The following GGA3 variants were observed in gnomAD, a reference collection of about 807,000 sequenced individuals.
The protein encoded by GGA3 is golgi associated, gamma adaptin ear containing, ARF binding protein 3.
GGA3 carries 57 observed loss-of-function variants against 77.5 expected under a neutral mutation model. That is an observed-to-expected ratio of 0.74 (90% CI 0.59 to 0.92). GGA3 has a LOEUF of 0.92. Ranked by LOEUF, GGA3 falls within the 40% of genes least tolerant of loss-of-function variation. GGA3 has a pLI of 0.00. For missense variants in GGA3, 970 were observed against 914.9 expected, an observed-to-expected ratio of 1.06 and a Z score of -0.78; for synonymous variants, 416 against 383.7, an observed-to-expected ratio of 1.08 and a Z score of -0.98.
At chr17:75,239,733 T>G (rs1160409155) in intron 13 of GGA3, 56 bp downstream of exon 13, 2 of 1,585,426 alleles carry the variant, frequency 1.3e-6, no homozygotes, top group Admixed American at 3.3e-5. Context: ...TTAGCTCTGG[T>G]TCTGACACAT....
Position 75,236,824 on chromosome 17 carries a change from T to TTAAG in GGA3, c.*1451_*1454dup, listed in dbSNP as rs1383660386. 5 of 154,184 alleles carry TTAAG rather than the reference T, an allele frequency of 3.2e-5. No individual in the cohort carries two copies. The highest frequency in any genetic ancestry group is 7.2e-5 in the Non-Finnish European group (5 of 69,022). 9.6% of individuals were successfully genotyped at this position (154,184 alleles called of 1,614,324 possible). ...TCTGGAAAGCTCTTGGATTTATTCCTTAAGTAGTGAAAAATGATTCACTTT... is the reference window on the plus strand; with the variant it reads ...TCTGGAAAGCTCTTGGATTTATTCCTTAAGTAAGTAGTGAAAAATGATTCACTTT... On this transcript the variant is annotated 3_prime_UTR_variant, in exon 17 of 17. Transcript: ENST00000537686.
At chr17:75,240,590 C>T (rs1040763835) in intron 11 of GGA3, 178 bp from the exon 12 acceptor site, 10 of 658,590 alleles carry the variant, frequency 1.5e-5, no homozygotes, top group African/African-American at 1.1e-4. Context: ...GATGCAGAAG[C>T]GGGGGGCCTG....
At chr17:75,252,072 G>A (rs966248294) in intron 1 of GGA3, among the ~76,000 whole-genome samples, 1 of 141,454 alleles carries the variant, frequency 7.1e-6, no homozygotes, top group African/African-American at 2.6e-5. Context: ...GGCGTCTTTC[G>A]TTTTTTTTTT....
At chr17:75,238,551 C>A in intron 16 of GGA3, 101 bp downstream of exon 16, 1 of 1,012,412 alleles carries the variant, frequency 9.9e-7, no homozygotes. Flanking sequence ...TGTGTCAATC[C>A]TACAGTCAAA....
Position 75,241,002 on chromosome 17 carries a change from C to A in GGA3, c.1002G>T (p.Thr334=). ...GTLIDLAELD[T]TNSLSSVLAP... ...CCAACACGGAGGACAAACTGTTGGTCGTGTCCAGCTCCGCAAGGTCGATGA... is the reference window on the plus strand; with the variant it reads ...CCAACACGGAGGACAAACTGTTGGTAGTGTCCAGCTCCGCAAGGTCGATGA... The change falls in exon 11 of 17, where the codon ACG becomes ACT. Residue 334 remains threonine (T), a synonymous_variant. Coordinates refer to ENST00000537686, the MANE Select transcript of GGA3 (RefSeq NM_138619.4). The A allele has an allele frequency of 6.2e-7, 1 of 1,614,020 alleles. No individual in the cohort carries two copies. The highest frequency in any genetic ancestry group is 1.1e-5 in the South Asian group (1 of 91,060).
At chr17:75,260,573 T>C (rs1003977020) in intron 1 of GGA3, among the ~76,000 whole-genome samples, 1 of 152,170 alleles carries the variant, frequency 6.6e-6, no homozygotes, top group Non-Finnish European at 1.5e-5. Context: ...ATCAGACAAT[T>C]TGAGGAAATA....
Position 75,243,106 on chromosome 17 carries a change from G to A in GGA3, c.485C>T (p.Pro162Leu), listed in dbSNP as rs757114764. 3 of 1,613,462 alleles carry A rather than the reference G, an allele frequency of 1.9e-6. No individual in the cohort carries two copies. The highest frequency in any genetic ancestry group is 3.3e-5 in the Admixed American group (2 of 59,876). ...ATCAAAAACAGGGTTTTTGGGACGAGGTGGTGGAGAGGGGATCAGCGTCCT... is the reference window on the plus strand; with the variant it reads ...ATCAAAAACAGGGTTTTTGGGACGAAGTGGTGGAGAGGGGATCAGCGTCCT... ...VDRTLIPSPPPRPKNPVFDDE... is the reference protein window; with the variant it reads ...VDRTLIPSPPLRPKNPVFDDE... The change falls in exon 6 of 17, where the codon CCT becomes CTT. Residue 162 changes from proline (P) to leucine (L), a missense_variant. Physicochemically the swap from Pro to Leu is moderately conservative, Grantham distance 98. Transcript: ENST00000537686.
chr17:75,249,196 C>T lies in GGA3; in HGVS notation c.41-2400G>A, dbSNP rs139207552. Among the ~76,000 whole-genome samples, 94 of 150,944 alleles carry T rather than the reference C, an allele frequency of 6.2e-4. 3 individuals carry two copies. Among genetic ancestry groups the T allele is most frequent in the African/African-American group, 2.3e-3 (92 of 40,274 alleles). On this transcript the variant is annotated intron_variant, in intron 1 of 16. Transcript: ENST00000537686. ...GAGTAGCTGGGATTATAGGCATGCGCCACTATGCCTGGCTACTTTTTGTAT... is the reference window on the plus strand; with the variant it reads ...GAGTAGCTGGGATTATAGGCATGCGTCACTATGCCTGGCTACTTTTTGTAT...
chr17:75,261,798 G>T, upstream of GGA3: 1 of 1,311,204 alleles, frequency 7.6e-7, no homozygotes, highest in Non-Finnish European at 1.1e-6. Flanking sequence ...TCAGTGGAGA[G>T]AAACGCAGAT....
Position 75,238,036 on chromosome 17 carries a change from G to C in GGA3, c.*243C>G, listed in dbSNP as rs1030094346. Reference sequence around the variant, plus strand: ...CAGCAGTGAAGTCAGGGGCCACTCCGCACCCCTGACAGCATATGGCCACTT... The same window carrying C: ...CAGCAGTGAAGTCAGGGGCCACTCCCCACCCCTGACAGCATATGGCCACTT... On this transcript the variant is annotated 3_prime_UTR_variant, in exon 17 of 17. Transcript: ENST00000537686. 1 of 1,306,344 alleles carries C rather than the reference G, an allele frequency of 7.7e-7. No individual in the cohort carries two copies. The highest frequency in any genetic ancestry group is 9.7e-7 in the Non-Finnish European group (1 of 1,028,072). 80.9% of individuals were successfully genotyped at this position (1,306,344 alleles called of 1,614,324 possible). A position where few individuals can be genotyped will look rare whatever the true frequency, so the allele number is the denominator to read the frequency against.
At chr17:75,247,558 AG>A (rs2076802979) in intron 1 of GGA3, among the ~76,000 whole-genome samples, 1 of 152,134 alleles carries the variant, frequency 6.6e-6, no homozygotes, top group Admixed American at 6.5e-5. Context: ...CACCGCGCCC[AG>A]CGAATATTTT....
Position 75,239,539 on chromosome 17 carries a change from G to A in GGA3, c.1616C>T (p.Pro539Leu), listed in dbSNP as rs866396319. Residue 539 changes from proline to leucine, a missense_variant, in exon 14 of 17, where the codon CCT becomes CTT. Coordinates refer to ENST00000537686, the MANE Select transcript of GGA3 (RefSeq NM_138619.4). The part of the protein sequence containing the change: ...TSGLVKPTTS[P>L]LIPTTTPARP... ...GGCTGGGGTGGTGGTGGGGATGAGA[G>A]GGGAGGTAGTGGGTTTCACCAAGCC... 1.9e-6 allele frequency: 3 copies of A among 1,563,358 alleles called. No individual in the cohort carries two copies. The highest frequency in any genetic ancestry group is 1.7e-6 in the Non-Finnish European group (2 of 1,154,984).
chr17:75,241,093 G>C (rs1485295235), intron 10 of GGA3, 36 bp from the exon 11 acceptor site: 2 of 1,613,408 alleles, frequency 1.2e-6, no homozygotes, highest in Admixed American at 3.3e-5. Flanking sequence ...GGAATAATTA[G>C]GGGTCTTCTA....
intron 1 of GGA3, among the ~76,000 whole-genome samples, chr17:75,248,198 G>T (rs188900558): frequency 6.6e-6 from 1 of 152,164 alleles, no homozygotes; most frequent in African/African-American, 2.4e-5. Flanking sequence ...GGGGCCGGGC[G>T]TGGTGGCTCA....
intron 4 of GGA3, 80 bp from the exon 5 acceptor site, chr17:75,243,650 GC>G: frequency 7.2e-7 from 1 of 1,389,660 alleles, no homozygotes; most frequent in Non-Finnish European, 9.9e-7. Flanking sequence ...CACAGCAATG[GC>G]GTGGCTGCTC....
At chr17:75,243,234 A>G (rs1233840226) in intron 5 of GGA3, 68 bp from the exon 6 acceptor site, 2 of 1,244,484 alleles carry the variant, frequency 1.6e-6, no homozygotes, top group Admixed American at 2.0e-5. Context: ...TCATACACCA[A>G]GGGCCACGTC....
In GGA3 at chr17:75,239,385, C is replaced by T. The variant is rs369313781; in HGVS notation, c.1770G>A (p.Ser590=). ...TCCTCCAACACCTACTAGGCTTGATCGATTCCAGGGGCACGTGGATGCTGG... is the reference window on the plus strand; with the variant it reads ...TCCTCCAACACCTACTAGGCTTGATTGATTCCAGGGGCACGTGGATGCTGG... ...SLASIHVPLE[S]IKPSSALPVT... The change falls in exon 14 of 17, where the codon TCG becomes TCA. Residue 590 remains serine, a synonymous_variant. Transcript: ENST00000537686. The T allele has an allele frequency of 3.1e-5, 48 of 1,547,662 alleles. 1 individual carries two copies. Among genetic ancestry groups the T allele is most frequent in the Admixed American group, 6.7e-5 (3 of 44,872 alleles).
intron 8 of GGA3, 99 bp from the exon 9 acceptor site, chr17:75,241,795 A>G: frequency 9.9e-7 from 1 of 1,006,374 alleles, no homozygotes; most frequent in Non-Finnish European, 1.6e-6. Flanking sequence ...GGATATGCCA[A>G]TTGCCACGGT....
chr17:75,257,881 A>G (rs1325575500), intron 1 of GGA3, among the ~76,000 whole-genome samples: 16 of 152,198 alleles, frequency 1.1e-4, no homozygotes, highest in Non-Finnish European at 2.1e-4. Context: ...AAGCCAAGCC[A>G]TCGCATCCCC....
Sources: allele counts gnomAD v4.1 joint callset (sites outside exome capture counted in the v4.1 genomes callset), GRCh38; gene constraint gnomAD v4.1.1; transcripts MANE v1.5; gene names NCBI Gene and HGNC (gene_info 2026-07-23, HGNC 2026-07-21).